PTPN4: variants seen among roughly 807,000 people sequenced by gnomAD.
PTPN4 encodes the protein protein tyrosine phosphatase non-receptor type 4.
In PTPN4, 49 loss-of-function variants were observed where a neutral mutation model predicts 135.5. The observed-to-expected ratio is 0.36, with a 90% confidence interval of 0.29 to 0.46. PTPN4 has a LOEUF of 0.46. Among genes scored for constraint, PTPN4 ranks in the 20% least tolerant of loss-of-function variants. The probability of loss-of-function intolerance (pLI) is 1.00; values close to 1 mark genes in which losing one functional copy is unlikely to be tolerated. For missense variants in PTPN4, 860 were observed against 1,101.0 expected, an observed-to-expected ratio of 0.78 and a Z score of 3.10; for synonymous variants, 333 against 369.9, an observed-to-expected ratio of 0.90 and a Z score of 1.14.
chr2:119,919,196 G>C (rs1196004516), intron 11 of PTPN4, among the ~76,000 whole-genome samples: 3 of 152,134 alleles, frequency 2.0e-5, no homozygotes, highest in Admixed American at 2.0e-4. Flanking sequence ...TATGGGATGT[G>C]AATGTTGCTA....
chr2:119,965,287 G>A (rs1378548763), intron 24 of PTPN4, among the ~76,000 whole-genome samples: 1 of 152,144 alleles, frequency 6.6e-6, no homozygotes, highest in Non-Finnish European at 1.5e-5. Flanking sequence ...CTTGTAATGG[G>A]TCTGTGGGAT....
intron 2 of PTPN4, among the ~76,000 whole-genome samples, chr2:119,817,583 T>G (rs1677005987): frequency 6.6e-6 from 1 of 152,194 alleles, no homozygotes. Flanking sequence ...TAGTATAGTT[T>G]GAAGTCAGGT....
intron 24 of PTPN4, among the ~76,000 whole-genome samples, chr2:119,964,330 G>T (rs1574424052): frequency 6.6e-6 from 1 of 152,164 alleles, no homozygotes; most frequent in Non-Finnish European, 1.5e-5. Flanking sequence ...GCAGAGTCAA[G>T]ATTTGAACCA....
intron 18 of PTPN4, among the ~76,000 whole-genome samples, chr2:119,950,309 A>G (rs1324144858): frequency 1.3e-5 from 2 of 152,234 alleles, no homozygotes; most frequent in Non-Finnish European, 2.9e-5. Context: ...GAGGGAATAT[A>G]TGAATGTCTG....
intron 2 of PTPN4, among the ~76,000 whole-genome samples, chr2:119,830,890 A>C (rs1008912991): frequency 1.3e-5 from 2 of 152,142 alleles, no homozygotes; most frequent in Admixed American, 1.3e-4. Flanking sequence ...TGCTTCCTGT[A>C]CAGCCTGTGG....
At chr2:119,950,268 G>T (rs540412534) in intron 18 of PTPN4, among the ~76,000 whole-genome samples, 1 of 152,172 alleles carries the variant, frequency 6.6e-6, no homozygotes, top group African/African-American at 2.4e-5. Flanking sequence ...GAACTAATTG[G>T]TATACAAAAG....
At position 119,959,774 on chromosome 2, in the gene PTPN4, A is replaced by G. The variant is rs143524015; in HGVS notation, c.2134-1033A>G. Among the ~76,000 whole-genome samples, 190 of 152,318 alleles carry G rather than the reference A, an allele frequency of 1.2e-3. 1 individual carries two copies. Among genetic ancestry groups the G allele is most frequent in the African/African-American group, 4.3e-3 (177 of 41,578 alleles). On this transcript the variant is annotated intron_variant, in intron 22 of 26. Coordinates refer to ENST00000263708, the MANE Select transcript of PTPN4 (RefSeq NM_002830.4). ...GATATTCTCCCTAAGTAAGACTAAT[A>G]AAGAGTGCAAATAGTCTTAGGTCAG...
intron 9 of PTPN4, among the ~76,000 whole-genome samples, chr2:119,896,217 T>A (rs377052177): frequency 6.1e-4 from 93 of 152,244 alleles, no homozygotes; most frequent in Middle Eastern, 3.4e-3. Context: ...TATTTTTTTT[T>A]AAATAATTTT....
intron 15 of PTPN4, among the ~76,000 whole-genome samples, chr2:119,936,164 G>A (rs938089431): frequency 2.0e-5 from 3 of 152,016 alleles, no homozygotes; most frequent in Admixed American, 6.6e-5. Context: ...CACCACTCCC[G>A]GCTAATTTTG....
chr2:119,957,140 G>C, intron 22 of PTPN4, 63 bp downstream of exon 22: 1 of 1,422,382 alleles, frequency 7.0e-7, no homozygotes, highest in African/African-American at 1.4e-5. Flanking sequence ...GAACTTTGAG[G>C]TTCTTTTTGT....
At chr2:119,880,468 C>T (rs968396416) in intron 5 of PTPN4, among the ~76,000 whole-genome samples, 6 of 151,012 alleles carry the variant, frequency 4.0e-5, no homozygotes, top group African/African-American at 1.2e-4. Context: ...CTCACTCTGT[C>T]GCCTAGGCTG....
At chr2:119,833,429 T>G (rs1677247499) in intron 2 of PTPN4, among the ~76,000 whole-genome samples, 1 of 152,196 alleles carries the variant, frequency 6.6e-6, no homozygotes, top group Non-Finnish European at 1.5e-5. Flanking sequence ...GTTTTTATAT[T>G]GGATAGAGCA....
intron 2 of PTPN4, among the ~76,000 whole-genome samples, chr2:119,860,389 C>T (rs1677744240): frequency 6.6e-6 from 1 of 152,156 alleles, no homozygotes; most frequent in Non-Finnish European, 1.5e-5. Flanking sequence ...TTCTTTTAAA[C>T]ATTGTCACAT....
Position 119,955,173 on chromosome 2 carries a change from G to T in PTPN4, c.1830G>T (p.Val610=). The T allele has an allele frequency of 6.2e-7, 1 of 1,607,262 alleles. No homozygotes were observed. The highest frequency in any genetic ancestry group is 8.5e-7 in the Non-Finnish European group (1 of 1,177,908). Residue 610 remains valine (V), a synonymous_variant, in exon 20 of 27, where the codon GTG becomes GTT. Transcript: ENST00000263708. ...LVRPNAVYDV[V]EEKLENEPDF... The stretch of plus-strand genomic sequence containing the variant: ...TTTTTTTAGCTGTATATGATGTAGT[G>T]GAAGAAAAGCTAGAAAATGAGCCAG...
intron 2 of PTPN4, among the ~76,000 whole-genome samples, chr2:119,816,896 A>G (rs1052874041): frequency 6.6e-6 from 1 of 152,210 alleles, no homozygotes; most frequent in African/African-American, 2.4e-5. Context: ...TTATAAGGCC[A>G]CCATCATTTG....
chr2:119,802,584 T>C (rs1317012497), intron 1 of PTPN4, among the ~76,000 whole-genome samples: 3 of 152,236 alleles, frequency 2.0e-5, no homozygotes, highest in South Asian at 2.1e-4. Flanking sequence ...GTACATGGTA[T>C]GTAATTCTTT....
chr2:119,924,656 A>G (rs1192171495), intron 12 of PTPN4, among the ~76,000 whole-genome samples: 1 of 152,160 alleles, frequency 6.6e-6, no homozygotes, highest in Non-Finnish European at 1.5e-5. Context: ...TGATAATACT[A>G]AATCCCTAAT....
intron 1 of PTPN4, among the ~76,000 whole-genome samples, chr2:119,783,974 A>G (rs1435508812): frequency 6.6e-6 from 1 of 152,040 alleles, no homozygotes; most frequent in Non-Finnish European, 1.5e-5. Context: ...TTGCTTATTC[A>G]TATGTCTAAT....
At chr2:119,919,849 GAGTT>G (rs1237673563) in intron 11 of PTPN4, among the ~76,000 whole-genome samples, 1 of 148,992 alleles carries the variant, frequency 6.7e-6, no homozygotes, top group Non-Finnish European at 1.5e-5. Flanking sequence ...AAAAAAGACT[GAGTT>G]AGGTCCAGAT....
Sources: gnomAD v4.1 joint callset for allele counts (sites outside exome capture counted in the v4.1 genomes callset) on GRCh38, gnomAD v4.1.1 for gene constraint, MANE v1.5 for transcripts, NCBI Gene and HGNC (gene_info 2026-07-23, HGNC 2026-07-21) for gene names.